The following STK35 variants were observed in gnomAD, a reference collection of about 807,000 sequenced individuals.
The protein encoded by STK35 is serine/threonine-protein kinase 35.
A neutral mutation model predicts 37.3 loss-of-function variants in STK35; 17 were observed. The observed-to-expected ratio is 0.46, with a 90% CI of 0.31 to 0.68. The LOEUF (loss-of-function observed/expected upper bound fraction) is 0.68. Among genes scored for constraint, STK35 ranks in the 30% least tolerant of loss-of-function variants. The pLI is 0.05. For missense variants in STK35, 595 were observed against 746.7 expected (o/e 0.80, Z 2.37); for synonymous variants, 385 against 319.1 (o/e 1.21, Z -2.20).
chr20:2,102,699 C>T (rs1182524490), intron 1 of STK35, 69 bp from the exon 2 acceptor site: 18 of 1,283,470 alleles, frequency 1.4e-5, no homozygotes, highest in Non-Finnish European at 1.7e-5. Flanking sequence ...GGAGGTGGGA[C>T]GCCCCGCGGC....
intron 2 of STK35, among the ~76,000 whole-genome samples, chr20:2,106,637 G>A (rs933762409): frequency 6.6e-6 from 1 of 152,234 alleles, no homozygotes; most frequent in Non-Finnish European, 1.5e-5. Flanking sequence ...GGGTGCCTAG[G>A]ACTGTGGATA....
rs959076770 is a variant in STK35 at position 2,146,535 on chromosome 20, TC to T, written c.*2792del. 3 of 152,718 alleles carry T rather than the reference TC, an allele frequency of 2.0e-5. No homozygotes were observed. The highest frequency in any genetic ancestry group is 7.2e-5 in the African/African-American group (3 of 41,452). The allele number at this position is 152,718 out of a possible 1,614,324, so 9.5% of individuals were successfully genotyped here. ...GCTGTTAGGGATCTGAACTTGGTTTTCCCGTCAGAAGAATCAGCAGGACAGA... is the reference window on the plus strand; with the variant it reads ...GCTGTTAGGGATCTGAACTTGGTTTTCCGTCAGAAGAATCAGCAGGACAGA... On this transcript the variant is annotated 3_prime_UTR_variant, in exon 4 of 4. Transcript: ENST00000381482.
chr20:2,103,464 C>G, intron 2 of STK35, 99 bp downstream of exon 2: 1 of 1,170,014 alleles, frequency 8.5e-7, no homozygotes, highest in Admixed American at 2.5e-5. Flanking sequence ...AGGCCTCAGA[C>G]CTGGTCCCTG....
At chr20:2,129,124 C>CT (rs1422306976) in intron 3 of STK35, among the ~76,000 whole-genome samples, 1 of 152,172 alleles carries the variant, frequency 6.6e-6, no homozygotes, top group Non-Finnish European at 1.5e-5. Flanking sequence ...CACCAGGCCT[C>CT]TAAGTGGAAT....
chr20:2,116,541 T>G, intron 2 of STK35, 125 bp from the exon 3 acceptor site: 1 of 1,051,768 alleles, frequency 9.5e-7, no homozygotes, highest in Non-Finnish European at 1.4e-6. Context: ...GTGCCAGTTG[T>G]GCAGGTCCCC....
chr20:2,124,357 A>G (rs542899317), intron 3 of STK35, among the ~76,000 whole-genome samples: 2 of 152,180 alleles, frequency 1.3e-5, no homozygotes, highest in Non-Finnish European at 2.9e-5. Flanking sequence ...GTAACTGCCA[A>G]GGGGTCGAAG....
rs910070545 is a variant in STK35 at position 2,117,193 on chromosome 20, G to A, written c.1420G>A (p.Val474Ile). The stretch of plus-strand genomic sequence containing the variant: ...CTACATTAAACAGGGGACTGAGATC[G>A]TCCCTGTTGGTGAGGCGCTGCTAGA... ...GTYIKQGTEI[V>I]PVGEALLENP... Residue 474 changes from valine to isoleucine, a missense_variant, in exon 3 of 4, where the codon GTC becomes ATC. Physicochemically the swap from Val to Ile is conservative, Grantham distance 29. This residue lies in a region of STK35 where 109 missense variants were observed against 280.3 expected (regional missense o/e 0.39). Coordinates refer to ENST00000381482, the MANE Select transcript of STK35 (RefSeq NM_080836.4). The surrounding 1 kb of genome is among the most constrained non-coding windows in gnomAD (Gnocchi z 4.4). 16 of 1,614,116 alleles carry A rather than the reference G, an allele frequency of 9.9e-6. No homozygotes were observed. The highest frequency in any genetic ancestry group is 2.2e-5 in the South Asian group (2 of 91,070).
intron 3 of STK35, among the ~76,000 whole-genome samples, chr20:2,127,902 C>G (rs1474197760): frequency 1.3e-5 from 2 of 152,118 alleles, no homozygotes; most frequent in Non-Finnish European, 2.9e-5. Flanking sequence ...TAAAAGATTG[C>G]TTTTATTTTA....
intron 2 of STK35, among the ~76,000 whole-genome samples, chr20:2,112,983 C>T (rs538953040): frequency 3.3e-5 from 5 of 152,160 alleles, no homozygotes; most frequent in Admixed American, 6.5e-5. Flanking sequence ...GGGAAATACC[C>T]GCAGTTGTGG....
intron 2 of STK35, among the ~76,000 whole-genome samples, chr20:2,107,211 G>T (rs1206449243): frequency 6.6e-6 from 1 of 152,224 alleles, no homozygotes; most frequent in Non-Finnish European, 1.5e-5. Flanking sequence ...CAGAAATTCT[G>T]TTGCTTTGTC....
At chr20:2,103,480 C>A in intron 2 of STK35, 115 bp downstream of exon 2, 2 of 1,001,192 alleles carry the variant, frequency 2.0e-6, no homozygotes, top group East Asian at 2.7e-5. Context: ...CCCTGTCACC[C>A]TGTGCCCTGA....
At chr20:2,139,645 C>T (rs1449480372) in intron 3 of STK35, among the ~76,000 whole-genome samples, 1 of 152,164 alleles carries the variant, frequency 6.6e-6, no homozygotes, top group Non-Finnish European at 1.5e-5. Context: ...ATAACCCCTA[C>T]CTCTTAGGGT....
intron 3 of STK35, among the ~76,000 whole-genome samples, chr20:2,134,554 G>A (rs1037617218): frequency 6.6e-6 from 1 of 152,212 alleles, no homozygotes; most frequent in East Asian, 1.9e-4. Context: ...TTTGTGCCAT[G>A]TTCCTTTCTC....
At chr20:2,104,364 G>T (rs187108882) in intron 2 of STK35, among the ~76,000 whole-genome samples, 1 of 152,186 alleles carries the variant, frequency 6.6e-6, no homozygotes, top group African/African-American at 2.4e-5. Context: ...TAATTTTTAG[G>T]TAATAACTTC....
At chr20:2,136,778 A>G (rs1465851465) in intron 3 of STK35, among the ~76,000 whole-genome samples, 1 of 152,238 alleles carries the variant, frequency 6.6e-6, no homozygotes, top group African/African-American at 2.4e-5. Flanking sequence ...TCTGTCCTGC[A>G]GGAAGCTCAG....
At chr20:2,106,508 A>G (rs573624650) in intron 2 of STK35, among the ~76,000 whole-genome samples, 1 of 152,238 alleles carries the variant, frequency 6.6e-6, no homozygotes, top group Non-Finnish European at 1.5e-5. Flanking sequence ...CTGGAAGAAG[A>G]TTTAAATGCT....
Position 2,103,343 on chromosome 20 carries a change from C to G in STK35, c.870C>G (p.Arg290=). 6.2e-7 allele frequency: 1 copy of G among 1,612,110 alleles called. No individual in the cohort carries two copies. Among genetic ancestry groups the G allele is most frequent in the South Asian group, 1.1e-5 (1 of 91,018 alleles). ...ACAAGAGCTCGCAGCTTTACCTGCG[C>G]CTGGTGGAGACCTCGCTGAAAGGTA... The part of the protein sequence containing the change: ...HGNKSSQLYL[R]LVETSLKGER... The change falls in exon 2 of 4, where the codon CGC becomes CGG. Residue 290 remains arginine, a synonymous_variant. Coordinates refer to ENST00000381482, the MANE Select transcript of STK35 (RefSeq NM_080836.4).
chr20:2,126,442 G>T (rs556667444), intron 3 of STK35, among the ~76,000 whole-genome samples: 4 of 152,082 alleles, frequency 2.6e-5, no homozygotes, highest in African/African-American at 9.7e-5. Context: ...GGTGGGATGC[G>T]CAGGAGCCAC....
intron 3 of STK35, among the ~76,000 whole-genome samples, chr20:2,136,842 G>A (rs931459856): frequency 7.9e-5 from 12 of 152,184 alleles, no homozygotes; most frequent in African/African-American, 2.2e-4. Flanking sequence ...ATCTGAGGTC[G>A]TCCATGCCTT....
Sources: gnomAD v4.1 joint callset for allele counts (sites outside exome capture counted in the v4.1 genomes callset) on GRCh38, gnomAD v4.1.1 for gene constraint, gnomAD v4.1.1 regional missense constraint, Gnocchi (gnomAD v3.1) non-coding constraint, MANE v1.5 for transcripts, NCBI Gene and HGNC (gene_info 2026-07-23, HGNC 2026-07-21) for gene names.